SECISBP2L: variants seen among roughly 807,000 people sequenced by gnomAD.
SECISBP2L encodes the protein selenocysteine insertion sequence-binding protein 2-like.
In SECISBP2L, 43 loss-of-function variants were observed where a neutral mutation model predicts 114.7. The observed-to-expected ratio is 0.38, with a 90% CI of 0.29 to 0.48. The LOEUF (loss-of-function observed/expected upper bound fraction) is 0.48, where lower values mean the gene tolerates loss of function less well. Among genes scored for constraint, SECISBP2L ranks in the 20% least tolerant of loss-of-function variants. The pLI, the probability that SECISBP2L is intolerant of heterozygous loss-of-function variation, is 0.98. For synonymous variants in SECISBP2L, 451 were observed against 439.7 expected (o/e 1.03, Z -0.32); for missense variants, 1,136 against 1,301.1 (o/e 0.87, Z 1.95).
chr15:49,031,699 T>G (rs1566861496), intron 4 of SECISBP2L, among the ~76,000 whole-genome samples: 2 of 152,144 alleles, frequency 1.3e-5, no homozygotes, highest in African/African-American at 4.8e-5. Context: ...ATTTGAAAAC[T>G]AAAAATAAAA....
At chr15:49,030,548 CA>C (rs1381631326) in intron 4 of SECISBP2L, among the ~76,000 whole-genome samples, 7 of 152,142 alleles carry the variant, frequency 4.6e-5, no homozygotes, top group African/African-American at 1.7e-4. Flanking sequence ...AATCCTTTGT[CA>C]GTTATATACA....
At chr15:49,011,109 T>C (rs1435955721) in intron 13 of SECISBP2L, among the ~76,000 whole-genome samples, 3 of 152,242 alleles carry the variant, frequency 2.0e-5, no homozygotes, top group African/African-American at 7.2e-5. Context: ...TTAATCTATG[T>C]GTAAACCAGA....
At chr15:49,004,166 G>T (rs568907723) in intron 14 of SECISBP2L, among the ~76,000 whole-genome samples, 3 of 152,218 alleles carry the variant, frequency 2.0e-5, no homozygotes, top group Admixed American at 1.3e-4. Context: ...GTTTAGTCTT[G>T]GGAGGGTGTA....
rs889840438 is a variant in SECISBP2L, at chr15:49,016,681, A to G, written c.1440T>C (p.Ala480=). 2.7e-5 allele frequency: 43 copies of G among 1,589,208 alleles called. No homozygotes were observed. The highest frequency in any genetic ancestry group is 3.7e-5 in the Non-Finnish European group (43 of 1,171,382). ...KKLQEALSKA[A]GKKNKTPVQL... ...GCACAGGTGTTTTATTCTTTTTTCC[A>G]GCTGCTTTTGATAAAGCTTCCTACA... Residue 480 remains alanine (A), a synonymous_variant, in exon 11 of 18, where the codon GCT becomes GCC. Transcript: ENST00000559471.
chr15:49,040,208 T>C (rs1304503576), intron 1 of SECISBP2L, among the ~76,000 whole-genome samples: 2 of 152,222 alleles, frequency 1.3e-5, no homozygotes, highest in Non-Finnish European at 2.9e-5. Context: ...ACACAGTATG[T>C]GCCTTTATTA....
intron 4 of SECISBP2L, among the ~76,000 whole-genome samples, chr15:49,031,983 A>C (rs1902898234): frequency 1.3e-5 from 2 of 152,188 alleles, no homozygotes; most frequent in African/African-American, 4.8e-5. Context: ...TTAATCTCAA[A>C]GCTTCATGCC....
In SECISBP2L at chr15:49,012,794, T is replaced by C. The variant is rs1250902386; in HGVS notation, c.1585A>G (p.Thr529Ala). ...GGTTTTCTATTAGTAGAGTCTTTAG[T>C]GTGAAAAGAAGCTGCAGTAACCACT... ...YTVVTAASFH[T>A]KDSTNRKPLT... The change falls in exon 12 of 18, where the codon ACT becomes GCT. Residue 529 changes from threonine (T) to alanine (A), a missense_variant. Transcript: ENST00000559471. The C allele has an allele frequency of 2.5e-6, 4 of 1,612,750 alleles. No homozygotes were observed. The highest frequency in any genetic ancestry group is 1.7e-5 in the Admixed American group (1 of 59,704).
At chr15:49,025,233 TA>T (rs1207136387) in intron 7 of SECISBP2L, among the ~76,000 whole-genome samples, 4 of 152,318 alleles carry the variant, frequency 2.6e-5, no homozygotes, top group South Asian at 2.1e-4. Flanking sequence ...AAGAGTGAAT[TA>T]TTTTTTTTTG....
chr15:49,032,668 C>A (rs1426612644), intron 4 of SECISBP2L, among the ~76,000 whole-genome samples: 1 of 152,132 alleles, frequency 6.6e-6, no homozygotes, highest in Non-Finnish European at 1.5e-5. Flanking sequence ...AAAATGAGTT[C>A]CTCAAATTTC....
chr15:49,004,954 T>C (rs1267283294), intron 14 of SECISBP2L, among the ~76,000 whole-genome samples: 1 of 152,224 alleles, frequency 6.6e-6, no homozygotes. Context: ...GTCTGCTTCA[T>C]CCAGAGCTGA....
intron 14 of SECISBP2L, 69 bp from the exon 15 acceptor site, chr15:49,001,166 A>G: frequency 1.1e-6 from 1 of 945,284 alleles, no homozygotes; most frequent in South Asian, 1.7e-5. Context: ...AACTGCATTA[A>G]GAAAATATCT....
At chr15:49,007,389 G>A (rs1902346182) in intron 14 of SECISBP2L, among the ~76,000 whole-genome samples, 1 of 152,158 alleles carries the variant, frequency 6.6e-6, no homozygotes, top group African/African-American at 2.4e-5. Flanking sequence ...CTGAAGCTGC[G>A]TCCACAGCTG....
chr15:49,035,668 C>A lies in SECISBP2L; in HGVS notation c.204-10G>T, dbSNP rs1595796246. ...ATATAAAGGAAACTGTCTGCAAAACCAAATCAAAGAAGAACAAATCTATTG... is the reference window on the plus strand; with the variant it reads ...ATATAAAGGAAACTGTCTGCAAAACAAAATCAAAGAAGAACAAATCTATTG... On this transcript the variant is annotated splice_polypyrimidine_tract_variant and intron_variant, in intron 2 of 17. Transcript: ENST00000559471. 1.3e-6 allele frequency: 2 copies of A among 1,591,230 alleles called. No homozygotes were observed. The highest frequency in any genetic ancestry group is 2.2e-5 in the East Asian group (1 of 44,462).
At chr15:48,995,894 A>T (rs973749599) in intron 17 of SECISBP2L, 1 of 154,424 alleles carries the variant, frequency 6.5e-6, no homozygotes, top group Admixed American at 6.4e-5. Flanking sequence ...AAGTTTTTTT[A>T]AATTTATTTT....
chr15:49,024,316 T>G (rs980822605), intron 7 of SECISBP2L, among the ~76,000 whole-genome samples: 1 of 152,096 alleles, frequency 6.6e-6, no homozygotes, highest in East Asian at 1.9e-4. Flanking sequence ...GCCAACATAG[T>G]GAAACCCTGT....
rs960521503 is a variant in SECISBP2L at position 49,028,786 on chromosome 15, A to G, written c.665-104T>C. ...TAAGAAAATAGATACCAAACTTCATAAATGAAGAAATAGGTGACAACTTTT... is the reference window on the plus strand; with the variant it reads ...TAAGAAAATAGATACCAAACTTCATGAATGAAGAAATAGGTGACAACTTTT... On this transcript the variant is annotated intron_variant, in intron 4 of 17. Transcript: ENST00000559471. The G allele has an allele frequency of 6.4e-6, 6 of 942,486 alleles. No homozygotes were observed. The African/African-American group carries it at 9.8e-5, about 15-fold the overall frequency. The allele number at this position is 942,486 out of a possible 1,614,324, so 58.4% of individuals were successfully genotyped here.
intron 4 of SECISBP2L, among the ~76,000 whole-genome samples, chr15:49,028,939 A>G (rs560820295): frequency 7.4e-4 from 113 of 152,186 alleles, no homozygotes; most frequent in Middle Eastern, 3.4e-3. Context: ...GCTCACTGCA[A>G]CCTTTGCCTC....
At chr15:49,007,563 A>T (rs902431745) in intron 14 of SECISBP2L, among the ~76,000 whole-genome samples, 1 of 152,210 alleles carries the variant, frequency 6.6e-6, no homozygotes, top group African/African-American at 2.4e-5. Flanking sequence ...GATAGATTTT[A>T]TGTAAAGGAT....
In SECISBP2L at chr15:49,009,315, C is replaced by T; in HGVS notation, c.1928G>A (p.Cys643Tyr). 3.1e-6 allele frequency: 5 copies of T among 1,614,096 alleles called. No individual in the cohort carries two copies. The highest frequency in any genetic ancestry group is 4.2e-6 in the Non-Finnish European group (5 of 1,179,986). Residue 643 changes from cysteine (C) to tyrosine (Y), a missense_variant, in exon 14 of 18, where the codon TGT becomes TAT. By Grantham distance (194) the Cys-to-Tyr change is radical. Around this residue, in one of 2 missense-constraint regions of SECISBP2L, gnomAD observed 684 missense variants for 848.7 expected, o/e 0.81. Coordinates refer to ENST00000559471, the MANE Select transcript of SECISBP2L (RefSeq NM_001193489.2). ...AGAGCCTTGTGACACAGGTGTCATA[C>T]AGTATGGAGAGTTCTGACTTGCTGG... Reference protein sequence around the residue: ...LSPASQNSPYCMTPVSQGSPA... With the variant: ...LSPASQNSPYYMTPVSQGSPA...
Sources: gnomAD v4.1 joint callset for allele counts (sites outside exome capture counted in the v4.1 genomes callset) on GRCh38, gnomAD v4.1.1 for gene constraint, gnomAD v4.1.1 regional missense constraint, MANE v1.5 for transcripts, NCBI Gene and HGNC (gene_info 2026-07-23, HGNC 2026-07-21) for gene names.